Variants in RPS6KA2 observed in about 807,000 individuals in gnomAD.
RPS6KA2 encodes the protein ribosomal protein S6 kinase A2.
RPS6KA2 carries 42 observed loss-of-function variants against 91.8 expected under a neutral mutation model. The observed-to-expected ratio is 0.46, with a 90% CI of 0.36 to 0.59. RPS6KA2 has a LOEUF of 0.59. Ranked by LOEUF, RPS6KA2 falls within the 20% of genes least tolerant of loss-of-function variation. RPS6KA2 has a pLI of 0.00. For missense variants in RPS6KA2, 798 were observed against 978.5 expected, an observed-to-expected ratio of 0.82 and a Z score of 2.46; for synonymous variants, 414 against 393.6, an observed-to-expected ratio of 1.05 and a Z score of -0.61.
rs975076854 is a variant in RPS6KA2 at position 166,423,170 on chromosome 6, C to T, written c.1743+86G>A. 2.0e-5 allele frequency: 28 copies of T among 1,416,954 alleles called. No homozygotes were observed. Among genetic ancestry groups the T allele is most frequent in the South Asian group, 2.7e-5 (2 of 74,482 alleles). 87.8% of individuals were successfully genotyped at this position (1,416,954 alleles called of 1,614,324 possible). A position where few individuals can be genotyped will look rare whatever the true frequency, so the allele number is the denominator to read the frequency against. On this transcript the variant is annotated intron_variant, in intron 17 of 20. Coordinates refer to ENST00000265678, the MANE Select transcript of RPS6KA2 (RefSeq NM_021135.6). The surrounding 1 kb of genome is among the most constrained non-coding windows in gnomAD (Gnocchi z 4.8). Reference sequence around the variant, plus strand: ...CAGCTCAAGCCGCCTCTGACATCCCCGCTGTCCGGTGGCTCTGCAGTGGGA... The same window carrying T: ...CAGCTCAAGCCGCCTCTGACATCCCTGCTGTCCGGTGGCTCTGCAGTGGGA...
At position 166,437,338 on chromosome 6, in the gene RPS6KA2, G is replaced by GT. The variant is rs1779357520; in HGVS notation, c.1333-4849dup. Reference sequence around the variant, plus strand: ...CGTTCCTCATTCTGAGAATAATATTGTTTTATAATCTTTATTATGCAACAA... The same window carrying GT: ...CGTTCCTCATTCTGAGAATAATATTGTTTTTATAATCTTTATTATGCAACAA... On this transcript the variant is annotated intron_variant, in intron 14 of 20. Coordinates refer to ENST00000265678, the MANE Select transcript of RPS6KA2 (RefSeq NM_021135.6). This position sits in a 1 kb window ranked among gnomAD's most constrained non-coding sequence, Gnocchi z 4.3. Among the ~76,000 whole-genome samples the GT allele has an allele frequency of 6.6e-6, 1 of 152,190 alleles. No individual in the cohort carries two copies.
rs189523722 is a variant in RPS6KA2 at position 166,786,930 on chromosome 6, G to A, written c.123+71270C>T. Among the ~76,000 whole-genome samples the A allele has an allele frequency of 5.7e-4, 87 of 152,246 alleles. 1 individual carries two copies. Among genetic ancestry groups the A allele is most frequent in the Admixed American group, 1.7e-3 (26 of 15,278 alleles). On this transcript the variant is annotated intron_variant, in intron 2 of 21. Coordinates refer to the RPS6KA2 transcript ENST00000503859. Reference sequence around the variant, plus strand: ...ACAAGAGGCCCGAGATAGGTCAAATGAGCCTGATGCCATTTTGCAATGTGG... The same window carrying A: ...ACAAGAGGCCCGAGATAGGTCAAATAAGCCTGATGCCATTTTGCAATGTGG...
intron 2 of RPS6KA2, among the ~76,000 whole-genome samples, chr6:166,816,673 A>T (rs1779774781): frequency 6.6e-6 from 1 of 152,338 alleles, no homozygotes; most frequent in African/African-American, 2.4e-5. Flanking sequence ...CTCAGTTGTT[A>T]CAGGACATTT....
intron 2 of RPS6KA2, among the ~76,000 whole-genome samples, chr6:166,794,919 A>C (rs1779185500): frequency 1.3e-5 from 2 of 152,052 alleles, no homozygotes; most frequent in African/African-American, 4.8e-5. Context: ...TAATGGGTGC[A>C]GCAACACCAA....
intron 2 of RPS6KA2, among the ~76,000 whole-genome samples, chr6:166,739,845 A>G (rs565043773): frequency 7.9e-5 from 12 of 152,354 alleles, no homozygotes; most frequent in African/African-American, 2.4e-4. Context: ...TGGTATCAGG[A>G]GGGCAGTCGG....
At chr6:166,501,444 C>T (rs1782022926) in intron 6 of RPS6KA2, among the ~76,000 whole-genome samples, 1 of 152,206 alleles carries the variant, frequency 6.6e-6, no homozygotes. Context: ...GCCAAGGCAT[C>T]GAGGAGCTTC....
At chr6:166,703,501 G>A (rs749941261) in intron 2 of RPS6KA2, among the ~76,000 whole-genome samples, 1 of 152,234 alleles carries the variant, frequency 6.6e-6, no homozygotes, top group Non-Finnish European at 1.5e-5. Context: ...CAGTCAGATA[G>A]AGATACCGTG....
In RPS6KA2 at chr6:166,422,051, C is replaced by T. The variant is rs755378625; in HGVS notation, c.1743+1205G>A. On this transcript the variant is annotated intron_variant, in intron 17 of 20. Transcript: ENST00000265678. ...AGTAGCTGGGACTGTGGGCACACAC[C>T]ACCACACCTGGCTAATTTTTGTATT... Among the ~76,000 whole-genome samples, 34 of 152,088 alleles carry T rather than the reference C, an allele frequency of 2.2e-4. 1 individual carries two copies. Among genetic ancestry groups the T allele is most frequent in the Non-Finnish European group, 1.2e-4 (8 of 68,016 alleles).
intron 2 of RPS6KA2, among the ~76,000 whole-genome samples, chr6:166,645,735 T>A (rs1787584958): frequency 6.6e-6 from 1 of 152,254 alleles, no homozygotes. Flanking sequence ...ACATAAGAAT[T>A]CATTTTTAGC....
At chr6:166,523,811 A>G (rs1032129049) in intron 3 of RPS6KA2, among the ~76,000 whole-genome samples, 1 of 152,210 alleles carries the variant, frequency 6.6e-6, no homozygotes, top group Non-Finnish European at 1.5e-5. Flanking sequence ...AGAGGAAAAC[A>G]AATAAAGAGG....
rs77582491 is a variant in RPS6KA2 at position 166,727,206 on chromosome 6, G to A, written c.123+130994C>T. Among the ~76,000 whole-genome samples the A allele has an allele frequency of 4.9e-4, 74 of 152,070 alleles. 1 individual carries two copies. Among genetic ancestry groups the A allele is most frequent in the African/African-American group, 1.6e-3 (68 of 41,436 alleles). ...AACAACAAAACACACCTCACATGTC[G>A]TTCAACAGGCCATGGAATCATTCTG... On this transcript the variant is annotated intron_variant, in intron 2 of 21. Transcript: ENST00000503859.
intron 1 of RPS6KA2, among the ~76,000 whole-genome samples, chr6:166,550,761 G>A (rs1036056658): frequency 1.2e-4 from 19 of 152,094 alleles, no homozygotes; most frequent in Non-Finnish European, 2.2e-4. Context: ...CCAGCACTTT[G>A]GGAGGCCAAG....
intron 2 of RPS6KA2, among the ~76,000 whole-genome samples, chr6:166,532,317 C>G (rs186717521): frequency 2.0e-5 from 3 of 152,358 alleles, no homozygotes; most frequent in African/African-American, 4.8e-5. Flanking sequence ...TTGGCTCCCC[C>G]CCAAGACTGG....
intron 2 of RPS6KA2, among the ~76,000 whole-genome samples, chr6:166,658,700 T>A (rs955986481): frequency 1.3e-5 from 2 of 152,204 alleles, no homozygotes; most frequent in Admixed American, 6.5e-5. Flanking sequence ...AGGGTTCGCC[T>A]GTGCAATTCA....
intron 2 of RPS6KA2, among the ~76,000 whole-genome samples, chr6:166,708,789 G>C (rs1789763950): frequency 6.6e-6 from 1 of 152,170 alleles, no homozygotes; most frequent in African/African-American, 2.4e-5. Context: ...AATTGAACTT[G>C]CTCACTTTCA....
At chr6:166,817,639 G>A (rs530328239) in intron 2 of RPS6KA2, among the ~76,000 whole-genome samples, 16 of 152,154 alleles carry the variant, frequency 1.1e-4, no homozygotes, top group African/African-American at 3.9e-4. Context: ...TGGTTCCCCA[G>A]TTGTTACAAT....
chr6:166,672,512 G>A (rs1284074630), intron 2 of RPS6KA2, among the ~76,000 whole-genome samples: 1 of 152,210 alleles, frequency 6.6e-6, no homozygotes, highest in Non-Finnish European at 1.5e-5. Context: ...TGGAGGCAGA[G>A]TACCCATCGC....
intron 3 of RPS6KA2, among the ~76,000 whole-genome samples, chr6:166,520,712 A>G (rs1193572911): frequency 6.6e-6 from 1 of 152,246 alleles, no homozygotes; most frequent in African/African-American, 2.4e-5. Context: ...AGACCTTTCA[A>G]TGTGATTCTG....
intron 1 of RPS6KA2, among the ~76,000 whole-genome samples, chr6:166,860,737 T>C (rs1781028685): frequency 6.6e-6 from 1 of 152,174 alleles, no homozygotes; most frequent in Non-Finnish European, 1.5e-5. Context: ...TAGGAAGCAC[T>C]AGTAAATGAG....
Sources: allele counts gnomAD v4.1 joint callset (sites outside exome capture counted in the v4.1 genomes callset), GRCh38; gene constraint gnomAD v4.1.1; non-coding constraint Gnocchi (gnomAD v3.1); transcripts MANE v1.5; gene names NCBI Gene and HGNC (gene_info 2026-07-23, HGNC 2026-07-21).